The following NOS1AP variants were observed in gnomAD, a reference collection of about 807,000 sequenced individuals.
NOS1AP encodes the protein carboxyl-terminal PDZ ligand of neuronal nitric oxide synthase protein.
A neutral mutation model predicts 56.2 loss-of-function variants in NOS1AP; 21 were observed. The observed-to-expected ratio is 0.37, with a 90% CI of 0.26 to 0.54. NOS1AP has a LOEUF of 0.54. Among genes scored for constraint, NOS1AP ranks in the 20% least tolerant of loss-of-function variants. NOS1AP has a pLI of 0.84. For missense variants in NOS1AP, 522 were observed against 657.8 expected (o/e 0.79, Z 2.26); for synonymous variants, 270 against 274.6 (o/e 0.98, Z 0.17).
chr1:162,214,342 C>T (rs146201212), intron 2 of NOS1AP, among the ~76,000 whole-genome samples: 13 of 152,286 alleles, frequency 8.5e-5, no homozygotes, highest in African/African-American at 2.4e-4. Flanking sequence ...CACTATGCTG[C>T]GTGCCCGCCT....
At chr1:162,117,531 A>G (rs1403528083) in intron 1 of NOS1AP, among the ~76,000 whole-genome samples, 3 of 152,168 alleles carry the variant, frequency 2.0e-5, no homozygotes, top group East Asian at 1.9e-4. Flanking sequence ...GAGCCCTGGC[A>G]GACATAACTC....
At chr1:162,261,956 A>G (rs1249462560) in intron 2 of NOS1AP, among the ~76,000 whole-genome samples, 1 of 152,176 alleles carries the variant, frequency 6.6e-6, no homozygotes, top group Non-Finnish European at 1.5e-5. Flanking sequence ...GGGATCCAGA[A>G]TGGGATTCAT....
intron 2 of NOS1AP, among the ~76,000 whole-genome samples, chr1:162,205,092 T>C (rs1451721917): frequency 6.6e-6 from 1 of 152,204 alleles, no homozygotes; most frequent in African/African-American, 2.4e-5. Flanking sequence ...CAGTTGGTCC[T>C]GGAGAGAAAG....
intron 2 of NOS1AP, among the ~76,000 whole-genome samples, chr1:162,284,958 T>C (rs1046498843): frequency 2.0e-5 from 3 of 152,228 alleles, no homozygotes; most frequent in Admixed American, 6.5e-5. Flanking sequence ...AGGCAATATG[T>C]TCTCTAAAAC....
chr1:162,099,464 G>A (rs1362289693), intron 1 of NOS1AP, among the ~76,000 whole-genome samples: 1 of 152,112 alleles, frequency 6.6e-6, no homozygotes, highest in African/African-American at 2.4e-5. Context: ...TGGGATTATA[G>A]GTGTGAGCCA....
At chr1:162,311,880 A>G (rs1400280160) in intron 4 of NOS1AP, among the ~76,000 whole-genome samples, 155 of 134,882 alleles carry the variant, frequency 1.1e-3, no homozygotes, top group African/African-American at 4.3e-3. Flanking sequence ...ATGATTTCCA[A>G]TTTCATCCAT....
chr1:162,193,770 C>T (rs1483831904), intron 2 of NOS1AP, among the ~76,000 whole-genome samples: 1 of 152,178 alleles, frequency 6.6e-6, no homozygotes, highest in African/African-American at 2.4e-5. Context: ...CCTATTTCTT[C>T]CTGACCCTTT....
At chr1:162,101,319 A>G (rs893207886) in intron 1 of NOS1AP, among the ~76,000 whole-genome samples, 6 of 152,166 alleles carry the variant, frequency 3.9e-5, no homozygotes, top group Non-Finnish European at 7.3e-5. Flanking sequence ...TACCAGTACC[A>G]TGCTGTTTTG....
At chr1:162,352,713 C>T (rs1018846890) in intron 6 of NOS1AP, among the ~76,000 whole-genome samples, 6 of 152,100 alleles carry the variant, frequency 3.9e-5, no homozygotes, top group Non-Finnish European at 8.8e-5. Flanking sequence ...TCCTACATCG[C>T]TTCTTATAAG....
chr1:162,232,546 G>T (rs1303835200), intron 2 of NOS1AP, among the ~76,000 whole-genome samples: 1 of 151,652 alleles, frequency 6.6e-6, no homozygotes, highest in Non-Finnish European at 1.5e-5. Flanking sequence ...GTGTGTGTGT[G>T]TGTGTGTCTA....
intron 1 of NOS1AP, among the ~76,000 whole-genome samples, chr1:162,084,693 T>C (rs926194281): frequency 3.9e-5 from 6 of 152,100 alleles, no homozygotes; most frequent in African/African-American, 1.4e-4. Context: ...TTTTCTTCTT[T>C]TTTGAGACAG....
chr1:162,325,535 A>G (rs909161733), intron 4 of NOS1AP, among the ~76,000 whole-genome samples: 6 of 152,104 alleles, frequency 3.9e-5, no homozygotes, highest in African/African-American at 1.4e-4. Context: ...AGGATAACAC[A>G]TTGGGCCCCC....
chr1:162,228,663 T>C (rs183372288), intron 2 of NOS1AP, among the ~76,000 whole-genome samples: 279 of 152,318 alleles, frequency 1.8e-3, no homozygotes, highest in Non-Finnish European at 2.8e-3. Context: ...ACACTTACCT[T>C]CTAACTCGCT....
At chr1:162,245,354 G>GA (rs1653628502) in intron 2 of NOS1AP, among the ~76,000 whole-genome samples, 2 of 152,144 alleles carry the variant, frequency 1.3e-5, no homozygotes, top group Non-Finnish European at 2.9e-5. Context: ...TAAGAATGAT[G>GA]AAAAATGTAA....
intron 2 of NOS1AP, among the ~76,000 whole-genome samples, chr1:162,202,029 A>G (rs921797701): frequency 2.0e-5 from 3 of 152,160 alleles, no homozygotes; most frequent in Admixed American, 6.6e-5. Flanking sequence ...ACGGATTTTA[A>G]TCTGGAGAGG....
intron 2 of NOS1AP, among the ~76,000 whole-genome samples, chr1:162,243,579 A>AGG (rs1653565571): frequency 6.6e-6 from 1 of 152,192 alleles, no homozygotes; most frequent in Non-Finnish European, 1.5e-5. Context: ...CCCATCTCCA[A>AGG]GGGCTGGCCT....
At chr1:162,267,360 C>T (rs1366849488) in intron 2 of NOS1AP, among the ~76,000 whole-genome samples, 1 of 152,124 alleles carries the variant, frequency 6.6e-6, no homozygotes, top group Non-Finnish European at 1.5e-5. Context: ...CTGGTGGATC[C>T]GTGATGTGCA....
At chr1:162,340,288 T>C (rs181327760) in intron 5 of NOS1AP, among the ~76,000 whole-genome samples, 1 of 152,344 alleles carries the variant, frequency 6.6e-6, no homozygotes, top group East Asian at 1.9e-4. Context: ...CTAGAACTCT[T>C]AATGCAACAA....
chr1:162,088,873 A>G (rs1400278754), intron 1 of NOS1AP, among the ~76,000 whole-genome samples: 1 of 152,096 alleles, frequency 6.6e-6, no homozygotes, highest in African/African-American at 2.4e-5. Context: ...TTCCTGTGGT[A>G]ACGTCTTTAT....
Sources: gnomAD v4.1 joint callset for allele counts (sites outside exome capture counted in the v4.1 genomes callset) on GRCh38, gnomAD v4.1.1 for gene constraint, MANE v1.5 for transcripts, NCBI Gene and HGNC (gene_info 2026-07-23, HGNC 2026-07-21) for gene names.